ZEB1: variants seen among roughly 807,000 people sequenced by gnomAD.
ZEB1 encodes zinc finger E-box binding homeobox 1.
In ZEB1, 21 loss-of-function variants were observed where a neutral mutation model predicts 84.9. The ratio of observed to expected loss-of-function variants is 0.25; its 90% confidence interval spans 0.18 to 0.36. The LOEUF is 0.36. ZEB1 is among the 10% of genes least tolerant of loss of function. The probability of loss-of-function intolerance (pLI) is 1.00; values close to 1 mark genes in which losing one functional copy is unlikely to be tolerated. For synonymous variants in ZEB1, 420 were observed against 471.1 expected (o/e 0.89, Z 1.41); for missense variants, 1,104 against 1,330.2 (o/e 0.83, Z 2.65).
chr10:31,405,669 A>T (rs1388771879), intron 1 of ZEB1, among the ~76,000 whole-genome samples: 1 of 150,368 alleles, frequency 6.7e-6, no homozygotes, highest in African/African-American at 2.4e-5. Context: ...TCTAATACGC[A>T]CCTGTTTAAA....
rs1172526430 is a variant in ZEB1, at chr10:31,391,341, A to G, written c.59-69696A>G. 4.6e-5 allele frequency among the ~76,000 whole-genome samples: 7 copies of G among 151,564 alleles called. No homozygotes were observed. In the East Asian group the frequency reaches 1.4e-3, roughly 29 times the overall value. ...TTGAAAATATTGCCCCTCCCCCAAAACAGTCACCTGAAAGGTCTCAAATAT... is the reference window on the plus strand; with the variant it reads ...TTGAAAATATTGCCCCTCCCCCAAAGCAGTCACCTGAAAGGTCTCAAATAT... On this transcript the variant is annotated intron_variant, in intron 1 of 8. Transcript: ENST00000424869.
chr10:31,494,786 A>T (rs964854037), intron 2 of ZEB1, among the ~76,000 whole-genome samples: 2 of 152,096 alleles, frequency 1.3e-5, no homozygotes, highest in African/African-American at 2.4e-5. Flanking sequence ...AATATAAAAC[A>T]TACTTTTTGC....
chr10:31,394,935 G>C (rs1396533332), intron 1 of ZEB1, among the ~76,000 whole-genome samples: 2 of 151,094 alleles, frequency 1.3e-5, no homozygotes, highest in Non-Finnish European at 2.9e-5. Flanking sequence ...AATTGGATGA[G>C]GGGATGAAGA....
At chr10:31,407,308 A>C (rs1288989431) in intron 1 of ZEB1, among the ~76,000 whole-genome samples, 4 of 134,110 alleles carry the variant, frequency 3.0e-5, no homozygotes, top group Non-Finnish European at 4.6e-5. Context: ...ATGTGTTCTC[A>C]TTCTTCAATT....
Position 31,319,404 on chromosome 10 carries a change from G to A in ZEB1, c.58+112G>A, listed in dbSNP as rs1216410747. 2.8e-6 allele frequency: 3 copies of A among 1,059,948 alleles called. No homozygotes were observed. In the African/African-American group the frequency reaches 4.7e-5, roughly 17 times the overall value. The allele number at this position is 1,059,948 out of a possible 1,614,324, so 65.7% of individuals were successfully genotyped here. A position where few individuals can be genotyped will look rare whatever the true frequency, so the allele number is the denominator to read the frequency against. On this transcript the variant is annotated intron_variant, in intron 1 of 8. Transcript: ENST00000424869. ...GCTGGGGGCAGCCGGGGCAGGGACG[G>A]CAAAGTGGAGTGGGAAAGTAGAAAG...
chr10:31,445,208 T>C (rs1245365119), intron 1 of ZEB1, among the ~76,000 whole-genome samples: 1 of 147,228 alleles, frequency 6.8e-6, no homozygotes, highest in Non-Finnish European at 1.5e-5. Context: ...ATGATTTGGC[T>C]TTCTGTTTGT....
intron 1 of ZEB1, among the ~76,000 whole-genome samples, chr10:31,399,061 C>A (rs562029131): frequency 2.8e-4 from 41 of 147,156 alleles, no homozygotes; most frequent in South Asian, 2.1e-3. Context: ...ATGGCATGAT[C>A]TCAGCTCACT....
rs1364763017 is a variant in ZEB1 at position 31,501,577 on chromosome 10, G to A, written c.323-771G>A. The stretch of plus-strand genomic sequence containing the variant: ...AAGAAATCATATAACTGAACTGAAC[G>A]TCAGAGTGGTTTATATGAGAATTAT... On this transcript the variant is annotated intron_variant, in intron 3 of 8. Transcript: ENST00000424869. Among the ~76,000 whole-genome samples, 5 of 152,066 alleles carry A rather than the reference G, an allele frequency of 3.3e-5. 1 individual carries two copies. Among genetic ancestry groups the A allele is most frequent in the Admixed American group, 2.0e-4 (3 of 15,276 alleles).
chr10:31,414,984 A>G (rs1250763724), intron 1 of ZEB1, among the ~76,000 whole-genome samples: 1 of 152,208 alleles, frequency 6.6e-6, no homozygotes. Context: ...CACTCACAGA[A>G]GGTTATTGAG....
At chr10:31,463,930 C>T (rs1000332124) in intron 2 of ZEB1, among the ~76,000 whole-genome samples, 12 of 152,032 alleles carry the variant, frequency 7.9e-5, no homozygotes, top group Admixed American at 7.2e-4. Context: ...AGAAACTGAC[C>T]CATAAAGGCT....
At chr10:31,522,116 C>T (rs1175139704) in intron 7 of ZEB1, among the ~76,000 whole-genome samples, 180 bp downstream of exon 7, 1 of 152,138 alleles carries the variant, frequency 6.6e-6, no homozygotes, top group East Asian at 1.9e-4. Flanking sequence ...TGGTTGTTTG[C>T]TAATCCAGGG....
intron 1 of ZEB1, among the ~76,000 whole-genome samples, chr10:31,396,566 A>G (rs1465237715): frequency 6.6e-6 from 1 of 152,224 alleles, no homozygotes; most frequent in Non-Finnish European, 1.5e-5. Context: ...ATATATTGGC[A>G]GAGTGAGAAA....
At chr10:31,332,269 G>C (rs1047690265) in intron 1 of ZEB1, among the ~76,000 whole-genome samples, 2 of 152,098 alleles carry the variant, frequency 1.3e-5, no homozygotes, top group Non-Finnish European at 2.9e-5. Context: ...CACCAAGTTT[G>C]GCTGTGCATT....
rs575631191 is a variant in ZEB1, at chr10:31,367,453, C to T, written c.58+48161C>T. Among the ~76,000 whole-genome samples the T allele has an allele frequency of 2.0e-5, 3 of 152,270 alleles. No individual in the cohort carries two copies. The South Asian group carries it at 6.2e-4, about 32-fold the overall frequency. Reference sequence around the variant, plus strand: ...GATGATGATGATTGTATTAGCTCTGCTTTCGAAGGCTTATGATGTACTTAC... The same window carrying T: ...GATGATGATGATTGTATTAGCTCTGTTTTCGAAGGCTTATGATGTACTTAC... On this transcript the variant is annotated intron_variant, in intron 1 of 8. Transcript: ENST00000424869.
In ZEB1 at chr10:31,529,434, C is replaced by T. The variant is rs1052719221; in HGVS notation, c.*2170C>T. 6.6e-6 allele frequency: 1 copy of T among 152,192 alleles called. No homozygotes were observed. The highest frequency in any genetic ancestry group is 2.4e-5 in the African/African-American group (1 of 41,444). The allele number at this position is 152,192 out of a possible 1,614,324, so 9.4% of individuals were successfully genotyped here. ...TCTTCCTGAAATCCTTAATCCTCCG[C>T]ATTTCATGCTTCAGGTCATTTCAGG... On this transcript the variant is annotated 3_prime_UTR_variant, in exon 9 of 9. Transcript: ENST00000424869.
chr10:31,363,594 G>A (rs2370489), intron 1 of ZEB1: 22 of 1,519,820 alleles, frequency 1.4e-5, no homozygotes, highest in South Asian at 6.0e-5. Flanking sequence ...GCTCTTCTGC[G>A]CTCACCTCCG....
chr10:31,394,293 A>G (rs2050299225), intron 1 of ZEB1, among the ~76,000 whole-genome samples: 1 of 152,208 alleles, frequency 6.6e-6, no homozygotes, highest in South Asian at 2.1e-4. Flanking sequence ...ATGACACTGT[A>G]CGGTGAAATA....
intron 1 of ZEB1, among the ~76,000 whole-genome samples, chr10:31,367,107 C>T (rs115447468): frequency 0.015 from 2,297 of 152,210 alleles, 41 homozygotes; most frequent in African/African-American, 0.052. Context: ...GTAGTAGGGT[C>T]ATTGGAAAGC....
At chr10:31,322,905 A>G (rs2034502328) in intron 1 of ZEB1, among the ~76,000 whole-genome samples, 1 of 152,094 alleles carries the variant, frequency 6.6e-6, no homozygotes, top group African/African-American at 2.4e-5. Flanking sequence ...AACAAAAATG[A>G]TTATTGGTGT....
Sources: allele counts gnomAD v4.1 joint callset (sites outside exome capture counted in the v4.1 genomes callset), GRCh38; gene constraint gnomAD v4.1.1; transcripts MANE v1.5; gene names NCBI Gene and HGNC (gene_info 2026-07-23, HGNC 2026-07-21).